The following GLRA2 variants were observed in gnomAD, a reference collection of about 807,000 sequenced individuals.
GLRA2 encodes glycine receptor alpha 2.
A neutral mutation model predicts 31.6 loss-of-function variants in GLRA2; 11 were observed. That is an observed-to-expected ratio of 0.35 (90% CI 0.22 to 0.58). The LOEUF is 0.58. Ranked by LOEUF, GLRA2 falls within the 20% of genes least tolerant of loss-of-function variation. The pLI is 0.84. For synonymous variants in GLRA2, 132 were observed against 134.0 expected, an observed-to-expected ratio of 0.99 and a Z score of 0.10; for missense variants, 212 against 351.8, an observed-to-expected ratio of 0.60 and a Z score of 3.18.
intron 8 of GLRA2, among the ~76,000 whole-genome samples, chrX:14,700,255 CA>C (rs1228289659): frequency 1.8e-5 from 2 of 110,688 alleles, no homozygotes; most frequent in Non-Finnish European, 3.8e-5. Flanking sequence ...TAAGATTACC[CA>C]GCAGGAGTGT....
intron 7 of GLRA2, among the ~76,000 whole-genome samples, chrX:14,622,169 G>C (rs1345993465): frequency 1.8e-5 from 2 of 112,165 alleles, no homozygotes; most frequent in African/African-American, 6.5e-5. Flanking sequence ...CTTTTGAGAA[G>C]TGTCTGTTCA....
Position 14,639,359 on chromosome X carries a change from T to C in GLRA2, c.930+30154T>C, listed in dbSNP as rs568864134. On this transcript the variant is annotated intron_variant, in intron 7 of 8. Coordinates refer to ENST00000218075, the MANE Select transcript of GLRA2 (RefSeq NM_002063.4). ...AGCAGACATCTTGGTATGAAGCAGG[T>C]GTTCAATATGTATTTGTTGAATGAA... Among the ~76,000 whole-genome samples, 10 of 111,406 alleles carry C rather than the reference T, an allele frequency of 9.0e-5. No individual in the cohort carries two copies. In the South Asian group the frequency reaches 3.8e-3, roughly 42 times the overall value.
At chrX:14,579,349 T>TA (rs753218606) in intron 3 of GLRA2, among the ~76,000 whole-genome samples, 21,821 of 107,019 alleles carry the variant, frequency 0.2, 2,242 homozygotes, top group Non-Finnish European at 0.32. Context: ...TTTTTTTTTT[T>TA]AATGGAGTCT....
At chrX:14,705,395 T>A (rs1419341115) in intron 8 of GLRA2, among the ~76,000 whole-genome samples, 2 of 111,946 alleles carry the variant, frequency 1.8e-5, no homozygotes, top group Non-Finnish European at 3.8e-5. Context: ...GGACTGTGTG[T>A]GTTGCTGAAC....
chrX:14,458,886 A>T, the GLRA2 span, among the ~76,000 whole-genome samples: 6 of 111,200 alleles, frequency 5.4e-5, no homozygotes, highest in Non-Finnish European at 7.5e-5. Flanking sequence ...ATTCGATCCC[A>T]TTTGTCAATT....
intron 2 of GLRA2, among the ~76,000 whole-genome samples, chrX:14,553,197 TAACAA>T (rs1316037773): frequency 3.7e-4 from 41 of 112,233 alleles, no homozygotes; most frequent in African/African-American, 1.3e-3. Context: ...CAAGACTGTC[TAACAA>T]TACAAAATGT....
chrX:14,619,932 A>T (rs1401803580), intron 7 of GLRA2, among the ~76,000 whole-genome samples: 5 of 109,380 alleles, frequency 4.6e-5, no homozygotes, highest in African/African-American at 1.3e-4. Flanking sequence ...GGTCACTGAG[A>T]ACTATCCATC....
chrX:14,485,571 C>A, the GLRA2 span, among the ~76,000 whole-genome samples: 2 of 111,682 alleles, frequency 1.8e-5, no homozygotes, highest in African/African-American at 6.5e-5. Flanking sequence ...TCCATCATCT[C>A]ATATAGTTGC....
the GLRA2 span, among the ~76,000 whole-genome samples, chrX:14,483,188 C>A: frequency 8.9e-6 from 1 of 111,957 alleles, no homozygotes; most frequent in South Asian, 3.7e-4. Context: ...TTGCTGTGCA[C>A]ACACAGGCTA....
chrX:14,525,669 G>A (rs769445169), upstream of GLRA2, among the ~76,000 whole-genome samples: 4 of 111,299 alleles, frequency 3.6e-5, no homozygotes, highest in South Asian at 1.1e-3. Flanking sequence ...GGTAGAACTC[G>A]AATCAAGGAT....
chrX:14,521,501 A>G, the GLRA2 span, among the ~76,000 whole-genome samples: 1 of 111,715 alleles, frequency 9.0e-6, no homozygotes, highest in South Asian at 3.7e-4. Context: ...TCAGATTGAG[A>G]ATTACACCAT....
At chrX:14,559,290 C>A (rs1343424535) in intron 2 of GLRA2, among the ~76,000 whole-genome samples, 1 of 111,415 alleles carries the variant, frequency 9.0e-6, no homozygotes, top group Non-Finnish European at 1.9e-5. Flanking sequence ...AGCAAACAAG[C>A]TGAATGCAGT....
At chrX:14,477,472 G>C in the GLRA2 span, among the ~76,000 whole-genome samples, 1 of 111,311 alleles carries the variant, frequency 9.0e-6, no homozygotes, top group African/African-American at 3.3e-5. Flanking sequence ...AATAATTCTA[G>C]GATCTCATAT....
chrX:14,609,264 G>C lies in GLRA2; in HGVS notation c.930+59G>C, dbSNP rs764659472. ...AAGCTTCCCAAAGGTCTTGTGGGCTGGAGAGTTCTGTGAGGACAGAAATGT... is the reference window on the plus strand; with the variant it reads ...AAGCTTCCCAAAGGTCTTGTGGGCTCGAGAGTTCTGTGAGGACAGAAATGT... On this transcript the variant is annotated intron_variant, in intron 7 of 8. Coordinates refer to ENST00000218075, the MANE Select transcript of GLRA2 (RefSeq NM_002063.4). 421 of 760,941 alleles carry C rather than the reference G, an allele frequency of 5.5e-4. 1 individual carries two copies. The highest frequency in any genetic ancestry group is 4.6e-3 in the South Asian group (196 of 42,884). The allele number at this position is 760,941 out of a possible 1,213,427, so 62.7% of individuals were successfully genotyped here.
At chrX:14,722,969 A>T (rs1395131733) in intron 8 of GLRA2, among the ~76,000 whole-genome samples, 1 of 112,923 alleles carries the variant, frequency 8.9e-6, no homozygotes, top group Non-Finnish European at 1.9e-5. Flanking sequence ...ATTTAAAAGA[A>T]TAATTTTAAC....
chrX:14,512,462 G>C, the GLRA2 span, among the ~76,000 whole-genome samples: 3 of 111,647 alleles, frequency 2.7e-5, no homozygotes, highest in Non-Finnish European at 3.8e-5. Context: ...ATCCAAATCA[G>C]TAAAGAGGAA....
intron 7 of GLRA2, among the ~76,000 whole-genome samples, chrX:14,628,942 T>C (rs1345984352): frequency 9.0e-6 from 1 of 111,308 alleles, no homozygotes; most frequent in Non-Finnish European, 1.9e-5. Context: ...AGGGTGGATG[T>C]AGGGAAACTA....
Position 14,532,220 on chromosome X carries a change from G to T in GLRA2, c.69-19G>T. The T allele has an allele frequency of 9.2e-7, 1 of 1,088,748 alleles. No homozygotes were observed. The highest frequency in any genetic ancestry group is 1.2e-6 in the Non-Finnish European group (1 of 822,133). 89.7% of individuals were successfully genotyped at this position (1,088,748 alleles called of 1,213,427 possible). On this transcript the variant is annotated intron_variant, in intron 1 of 8. Transcript: ENST00000218075. The stretch of plus-strand genomic sequence containing the variant: ...GATGCAAATGAAATTGTTGCTAAAA[G>T]AGTTAATGATGTGTTTAGGACGGCT...
At chrX:14,519,813 A>G in the GLRA2 span, among the ~76,000 whole-genome samples, 3 of 112,080 alleles carry the variant, frequency 2.7e-5, no homozygotes, top group Middle Eastern at 9.2e-3. Context: ...CAAAGAAGAA[A>G]TAATGCTTCA....
Sources: allele counts gnomAD v4.1 joint callset (sites outside exome capture counted in the v4.1 genomes callset), GRCh38; gene constraint gnomAD v4.1.1; transcripts MANE v1.5; gene names NCBI Gene and HGNC (gene_info 2026-07-23, HGNC 2026-07-21).